CEP350: variants seen among roughly 807,000 people sequenced by gnomAD.
CEP350 encodes the protein centrosomal protein 350, also known as centrosome-associated protein 350.
In CEP350, 126 loss-of-function variants were observed where a neutral mutation model predicts 331.8. The ratio of observed to expected loss-of-function variants is 0.38; its 90% CI spans 0.33 to 0.44. The LOEUF is 0.44. Ranked by LOEUF, CEP350 falls within the 20% of genes least tolerant of loss-of-function variation. CEP350 has a pLI of 1.00. For synonymous variants in CEP350, 1,200 were observed against 1,259.5 expected (o/e 0.95, Z 1.00); for missense variants, 3,406 against 3,634.6 (o/e 0.94, Z 1.62).
chr1:180,055,014 T>C (rs1197261141), intron 25 of CEP350, among the ~76,000 whole-genome samples: 1 of 152,222 alleles, frequency 6.6e-6, no homozygotes, highest in East Asian at 1.9e-4. Context: ...TACCAGTTGC[T>C]GGTTTCATAA....
intron 1 of CEP350, among the ~76,000 whole-genome samples, chr1:179,984,660 C>T (rs1311517075): frequency 6.6e-6 from 1 of 152,154 alleles, no homozygotes; most frequent in Non-Finnish European, 1.5e-5. Context: ...TTAATTTCCA[C>T]ATTTTGAAGA....
chr1:180,014,433 T>C lies in CEP350; in HGVS notation c.1980T>C (p.Thr660=). The C allele has an allele frequency of 6.2e-7, 1 of 1,609,220 alleles. No homozygotes were observed. Among genetic ancestry groups the C allele is most frequent in the Non-Finnish European group, 8.5e-7 (1 of 1,177,998 alleles). Residue 660 remains threonine (T), a synonymous_variant, in exon 10 of 38, where the codon ACT becomes ACC. Coordinates refer to ENST00000367607, the MANE Select transcript of CEP350 (RefSeq NM_014810.5). ...EPSATRRLQE[T]YSKLLLEKTL... ...CAGCAACTAGGCGACTACAGGAAACTTACTCCAAATTGCTACTAGAAAAGA... is the reference window on the plus strand; with the variant it reads ...CAGCAACTAGGCGACTACAGGAAACCTACTCCAAATTGCTACTAGAAAAGA...
rs751535608 is a variant in CEP350 at position 180,093,777 on chromosome 1, G to C, written c.7672G>C (p.Ala2558Pro). 6.2e-7 allele frequency: 1 copy of C among 1,613,790 alleles called. No individual in the cohort carries two copies. Among genetic ancestry groups the C allele is most frequent in the South Asian group, 1.1e-5 (1 of 91,078 alleles). The change falls in exon 34 of 38, where the codon GCT becomes CCT. Residue 2558 changes from alanine to proline, a missense_variant. By Grantham distance (27) the Ala-to-Pro change is conservative. Around this residue, in one of 5 missense-constraint regions of CEP350, gnomAD observed 1,415 missense variants for 1,512.3 expected, o/e 0.94. Transcript: ENST00000367607. ...FECKEKHGIF[A>P]PPQKISHIPE... ...GTGCAAAGAAAAGCATGGTATTTTT[G>C]CTCCTCCTCAAAAAATATCTCACAT...
chr1:180,076,117 C>T (rs999846194), intron 28 of CEP350, among the ~76,000 whole-genome samples: 3 of 152,172 alleles, frequency 2.0e-5, no homozygotes, highest in Admixed American at 2.0e-4. Flanking sequence ...ACCCCAGTAA[C>T]TAAGCATCTT....
intron 16 of CEP350, among the ~76,000 whole-genome samples, chr1:180,034,974 C>G (rs1656255905): frequency 6.6e-6 from 1 of 152,170 alleles, no homozygotes; most frequent in Admixed American, 6.5e-5. Context: ...AGCTAGGCCT[C>G]TTGTGCCAGT....
At chr1:179,979,729 G>A (rs150072497) in intron 1 of CEP350, among the ~76,000 whole-genome samples, 106 of 152,020 alleles carry the variant, frequency 7.0e-4, no homozygotes, top group African/African-American at 2.3e-3. Flanking sequence ...TTTGTGTAGT[G>A]TGAGAGATGG....
chr1:180,052,809 G>A (rs1657596337), intron 22 of CEP350, among the ~76,000 whole-genome samples, 161 bp from the exon 23 acceptor site: 1 of 152,040 alleles, frequency 6.6e-6, no homozygotes, highest in Non-Finnish European at 1.5e-5. Context: ...TTTCTTGCTT[G>A]TAAGGCAAAT....
chr1:180,094,490 A>C lies in CEP350; in HGVS notation c.8385A>C (p.Lys2795Asn), dbSNP rs1476984985. The C allele has an allele frequency of 3.1e-6, 5 of 1,613,954 alleles. No individual in the cohort carries two copies. The South Asian group carries it at 5.5e-5, about 18-fold the overall frequency. ...NQELLGDDQK[K>N]VTPQDLSQNV... ...AGCTTCTTGGTGATGACCAAAAGAA[A>C]GTAACACCCCAAGACCTATCCCAAA... Residue 2795 changes from lysine to asparagine, a missense_variant, in exon 34 of 38, where the codon AAA (lysine) becomes AAC (asparagine). Coordinates refer to ENST00000367607, the MANE Select transcript of CEP350 (RefSeq NM_014810.5).
At chr1:180,077,671 T>TAAAAAAAAAAAA (rs3067269) in intron 28 of CEP350, among the ~76,000 whole-genome samples, 18 of 97,154 alleles carry the variant, frequency 1.9e-4, no homozygotes, top group Admixed American at 3.9e-4. Context: ...TCTCAAAAAG[T>TAAAAAAAAAAAA]AAAAAAAAAA....
intron 6 of CEP350, among the ~76,000 whole-genome samples, chr1:179,998,946 A>G (rs2148724604): frequency 6.6e-6 from 1 of 152,178 alleles, no homozygotes; most frequent in Non-Finnish European, 1.5e-5. Flanking sequence ...CAATATTATA[A>G]TTAATAATAT....
chr1:179,963,276 T>C (rs536693907), intron 1 of CEP350, among the ~76,000 whole-genome samples: 30 of 152,228 alleles, frequency 2.0e-4, no homozygotes, highest in African/African-American at 7.2e-4. Flanking sequence ...CTCTTTACTT[T>C]GTTGATTCTT....
intron 17 of CEP350, among the ~76,000 whole-genome samples, chr1:180,037,798 C>T (rs1020168610): frequency 4.0e-4 from 61 of 151,970 alleles, no homozygotes; most frequent in Non-Finnish European, 2.1e-4. Context: ...TACAGGTGCC[C>T]GCCACAGTGC....
chr1:180,084,734 G>A (rs914686037), intron 31 of CEP350, among the ~76,000 whole-genome samples: 1 of 152,184 alleles, frequency 6.6e-6, no homozygotes, highest in East Asian at 1.9e-4. Flanking sequence ...ACATATAGTG[G>A]TGTGTTCCTG....
chr1:180,031,583 A>G (rs181007977), intron 15 of CEP350, 89 bp downstream of exon 15: 1,028 of 588,778 alleles, frequency 1.7e-3, no homozygotes, highest in Non-Finnish European at 2.3e-3. Context: ...TTAACTCAGC[A>G]GTCCCCTTAA....
chr1:180,052,582 T>C (rs1558128478), intron 22 of CEP350, among the ~76,000 whole-genome samples: 1 of 150,900 alleles, frequency 6.6e-6, no homozygotes, highest in Non-Finnish European at 1.5e-5. Flanking sequence ...TTTAAAAAGA[T>C]ATTTTTACTT....
In CEP350 at chr1:180,093,784, C is replaced by T. The variant is rs746071972; in HGVS notation, c.7679C>T (p.Pro2560Leu). 2 of 1,613,744 alleles carry T rather than the reference C, an allele frequency of 1.2e-6. No individual in the cohort carries two copies. Among genetic ancestry groups the T allele is most frequent in the Admixed American group, 3.3e-5 (2 of 60,010 alleles). Residue 2560 changes from proline to leucine, a missense_variant, in exon 34 of 38, where the codon CCT becomes CTT. Transcript: ENST00000367607. ...CKEKHGIFAP[P>L]QKISHIPENF... Reference sequence around the variant, plus strand: ...GAAAAGCATGGTATTTTTGCTCCTCCTCAAAAAATATCTCACATTCCAGAA... The same window carrying T: ...GAAAAGCATGGTATTTTTGCTCCTCTTCAAAAAATATCTCACATTCCAGAA...
intron 34 of CEP350, 138 bp from the exon 35 acceptor site, chr1:180,095,385 C>A: frequency 1.0e-6 from 1 of 957,658 alleles, no homozygotes; most frequent in South Asian, 2.7e-5. Context: ...TATTAGTAGC[C>A]ACCATATTGT....
In CEP350 at chr1:180,111,747, G is replaced by T. The variant is rs1437898618; in HGVS notation, c.*586G>T. 1 of 152,542 alleles carries T rather than the reference G, an allele frequency of 6.6e-6. No individual in the cohort carries two copies. Among genetic ancestry groups the T allele is most frequent in the African/African-American group, 2.4e-5 (1 of 41,424 alleles). 9.4% of individuals were successfully genotyped at this position (152,542 alleles called of 1,614,324 possible). On this transcript the variant is annotated 3_prime_UTR_variant, in exon 38 of 38. Transcript: ENST00000367607. ...ACCAAGTGGACTGTCAGGCTAACAGGAATAAGTGGTAGCCTTGCTTTCTGA... is the reference window on the plus strand; with the variant it reads ...ACCAAGTGGACTGTCAGGCTAACAGTAATAAGTGGTAGCCTTGCTTTCTGA...
intron 3 of CEP350, among the ~76,000 whole-genome samples, chr1:179,988,583 C>T (rs751827431): frequency 2.0e-5 from 3 of 151,968 alleles, no homozygotes; most frequent in Non-Finnish European, 2.9e-5. Context: ...TATGGGCAAC[C>T]TGTTCCCATT....
Sources: allele counts gnomAD v4.1 joint callset (sites outside exome capture counted in the v4.1 genomes callset), GRCh38; gene constraint gnomAD v4.1.1; regional missense constraint gnomAD v4.1.1; transcripts MANE v1.5; gene names NCBI Gene and HGNC (gene_info 2026-07-23, HGNC 2026-07-21).